Variants in RB1 observed in about 807,000 individuals in gnomAD.
RB1 encodes the protein RB transcriptional corepressor 1.
Under a neutral mutation model 135.4 loss-of-function variants are expected in RB1, and 18 were observed. The observed-to-expected ratio is 0.13, with a 90% confidence interval of 0.09 to 0.20. RB1 has a LOEUF of 0.20. Among genes scored for constraint, RB1 ranks in the 10% least tolerant of loss-of-function variants. RB1 has a pLI of 1.00. For synonymous variants in RB1, 365 were observed against 373.2 expected, an observed-to-expected ratio of 0.98 and a Z score of 0.25; for missense variants, 868 against 1,110.0, an observed-to-expected ratio of 0.78 and a Z score of 3.10.
Position 48,319,269 on chromosome 13 carries a change from T to C in RB1, c.264+11863T>C. The C allele has an allele frequency of 1.2e-6, 1 of 806,958 alleles. No individual in the cohort carries two copies. Among genetic ancestry groups the C allele is most frequent in the East Asian group, 3.7e-5 (1 of 26,912 alleles). The allele number at this position is 806,958 out of a possible 1,614,324, so 50.0% of individuals were successfully genotyped here. On this transcript the variant is annotated intron_variant, in intron 2 of 26. Transcript: ENST00000267163. The surrounding 1 kb of genome is among the most constrained non-coding windows in gnomAD (Gnocchi z 5.0). Reference sequence around the variant, plus strand: ...CAAGGCACTTTTTTGTGGCGCTGCTTGTGCTGTGTGCGGGGTCAGGCGTCC... The same window carrying C: ...CAAGGCACTTTTTTGTGGCGCTGCTCGTGCTGTGTGCGGGGTCAGGCGTCC...
intron 23 of RB1, among the ~76,000 whole-genome samples, chr13:48,473,099 C>A (rs549232506): frequency 1.7e-4 from 26 of 152,232 alleles, no homozygotes; most frequent in Non-Finnish European, 2.1e-4. Flanking sequence ...TGCCTTTGCC[C>A]TCCCTAAATA....
intron 17 of RB1, chr13:48,412,019 A>G (rs1178421816): frequency 6.2e-7 from 1 of 1,612,888 alleles, no homozygotes; most frequent in Admixed American, 1.7e-5. Flanking sequence ...CAGTGCAAAC[A>G]ATCTTTGCAT....
intron 2 of RB1, chr13:48,320,358 C>G (rs1017348310): frequency 3.5e-5 from 43 of 1,240,372 alleles, no homozygotes; most frequent in Non-Finnish European, 4.8e-5. Flanking sequence ...CCGACACGCT[C>G]TCCACCCCCT....
chr13:48,425,351 T>G (rs1949064397), intron 17 of RB1, among the ~76,000 whole-genome samples: 1 of 152,228 alleles, frequency 6.6e-6, no homozygotes, highest in Admixed American at 6.5e-5. Flanking sequence ...TCAAGGATGC[T>G]ATGTAACCTA....
chr13:48,442,508 C>G (rs403390), intron 17 of RB1, among the ~76,000 whole-genome samples: 119,049 of 152,134 alleles, frequency 0.78, 52,285 homozygotes, highest in Non-Finnish European at 0.97. Flanking sequence ...TCTTTGGATT[C>G]AGAAGGTAAC....
chr13:48,317,594 G>T (rs751603335), intron 2 of RB1: 2 of 440,186 alleles, frequency 4.5e-6, no homozygotes, highest in South Asian at 2.3e-5. Context: ...TCGGCCCCTC[G>T]TGAGCGCTGG....
chr13:48,450,355 A>G (rs1015543184), intron 17 of RB1, among the ~76,000 whole-genome samples: 7 of 151,986 alleles, frequency 4.6e-5, no homozygotes, highest in Non-Finnish European at 7.4e-5. Context: ...TGACTAGCCA[A>G]TTCTCCGAGG....
intron 6 of RB1, among the ~76,000 whole-genome samples, chr13:48,357,444 A>G (rs1952602746): frequency 6.6e-6 from 1 of 151,648 alleles, no homozygotes; most frequent in South Asian, 2.1e-4. Flanking sequence ...CCTTTTTATG[A>G]TACATTTTTA....
At chr13:48,405,177 ATGTT>A (rs1478616300) in intron 17 of RB1, among the ~76,000 whole-genome samples, 1 of 152,190 alleles carries the variant, frequency 6.6e-6, no homozygotes, top group Non-Finnish European at 1.5e-5. Context: ...AGCCCAGAAA[ATGTT>A]TGTTCCACAT....
In RB1 at chr13:48,319,304, C is replaced by A; in HGVS notation, c.264+11898C>A. On this transcript the variant is annotated intron_variant, in intron 2 of 26. Coordinates refer to ENST00000267163, the MANE Select transcript of RB1 (RefSeq NM_000321.3). This position sits in a 1 kb window ranked among gnomAD's most constrained non-coding sequence, Gnocchi z 5.0. The stretch of plus-strand genomic sequence containing the variant: ...GCGGGGTCAGGCGTCCTCTCTCCTC[C>A]CGGCGCTGGGCCCTCTGGGGCAGGT... The A allele has an allele frequency of 1.5e-6, 1 of 652,928 alleles. No homozygotes were observed. Among genetic ancestry groups the A allele is most frequent in the East Asian group, 3.9e-5 (1 of 25,560 alleles). 40.4% of individuals were successfully genotyped at this position (652,928 alleles called of 1,614,324 possible).
In RB1 at chr13:48,459,693, C is replaced by A. The variant is rs142509759; in HGVS notation, c.1966C>A (p.Arg656=). 6.2e-7 allele frequency: 1 copy of A among 1,613,974 alleles called. No homozygotes were observed. Among genetic ancestry groups the A allele is most frequent in the East Asian group, 2.2e-5 (1 of 44,872 alleles). The change falls in exon 20 of 27, where the codon CGG becomes AGG. Residue 656 remains arginine, a synonymous_variant. Transcript: ENST00000267163. ...SLSLFYKKVY[R]LAYLRLNTLC... The stretch of plus-strand genomic sequence containing the variant: ...AATTTTTCTTATTCCCACAGTGTAT[C>A]GGCTAGCCTATCTCCGGCTAAATAC...
At chr13:48,377,866 C>T (rs1047808786) in intron 13 of RB1, among the ~76,000 whole-genome samples, 1 of 152,114 alleles carries the variant, frequency 6.6e-6, no homozygotes, top group Admixed American at 6.5e-5. Context: ...TCCTAGGCTA[C>T]AGGCCTCTAC....
intron 6 of RB1, among the ~76,000 whole-genome samples, chr13:48,357,614 A>T (rs1952604244): frequency 6.6e-6 from 1 of 152,016 alleles, no homozygotes; most frequent in South Asian, 2.1e-4. Flanking sequence ...CTAGATTAGC[A>T]TCAGGTCTCT....
intron 4 of RB1, among the ~76,000 whole-genome samples, chr13:48,346,368 ATATGTGTGTGTGTG>A (rs960710918): frequency 1.8e-5 from 2 of 108,528 alleles, no homozygotes; most frequent in South Asian, 3.2e-4. Flanking sequence ...AATATTATAT[ATATGTGTGTGTGTG>A]TGTGTGTGTG....
chr13:48,423,590 A>G (rs981506117), intron 17 of RB1, among the ~76,000 whole-genome samples: 11 of 152,248 alleles, frequency 7.2e-5, no homozygotes, highest in Non-Finnish European at 1.5e-4. Flanking sequence ...TCAAAGAGGA[A>G]TCGATTAAAA....
intron 4 of RB1, among the ~76,000 whole-genome samples, chr13:48,347,046 T>G (rs1192094480): frequency 1.3e-5 from 2 of 152,028 alleles, no homozygotes; most frequent in Admixed American, 1.3e-4. Context: ...TATAGTAATT[T>G]CGACTGGATG....
chr13:48,407,523 G>A (rs1180477148), intron 17 of RB1, among the ~76,000 whole-genome samples: 2 of 152,166 alleles, frequency 1.3e-5, no homozygotes, highest in Non-Finnish European at 2.9e-5. Context: ...AAGTAAAAAT[G>A]ATAAAGAGAA....
intron 20 of RB1, among the ~76,000 whole-genome samples, chr13:48,461,356 T>C (rs764109589): frequency 1.1e-4 from 17 of 152,226 alleles, no homozygotes; most frequent in Non-Finnish European, 2.1e-4. Context: ...TTCCTTTTCA[T>C]TGCCAGACAA....
chr13:48,318,580 C>A, intron 2 of RB1: 2 of 646,648 alleles, frequency 3.1e-6, no homozygotes, highest in South Asian at 1.8e-5. Context: ...ACGGGCAGGT[C>A]CCGCCCCTCA....
Sources: allele counts gnomAD v4.1 joint callset (sites outside exome capture counted in the v4.1 genomes callset), GRCh38; gene constraint gnomAD v4.1.1; non-coding constraint Gnocchi (gnomAD v3.1); transcripts MANE v1.5; gene names NCBI Gene and HGNC (gene_info 2026-07-23, HGNC 2026-07-21).